CCDC148: variants seen among roughly 807,000 people sequenced by gnomAD.
CCDC148 encodes coiled-coil domain containing 148, also known as coiled-coil domain-containing protein 148.
CCDC148 carries 89 observed loss-of-function variants against 85.7 expected under a neutral mutation model. The ratio of observed to expected loss-of-function variants is 1.04; its 90% confidence interval spans 0.87 to 1.24. The LOEUF (loss-of-function observed/expected upper bound fraction) is 1.24, where lower values mean the gene tolerates loss of function less well. CCDC148 is among the 50% of genes most tolerant of loss of function. The probability of loss-of-function intolerance (pLI) is 0.00; values close to 1 mark genes in which losing one functional copy is unlikely to be tolerated. For missense variants in CCDC148, 692 were observed against 671.7 expected, an observed-to-expected ratio of 1.03 and a Z score of -0.33; for synonymous variants, 230 against 213.9, an observed-to-expected ratio of 1.08 and a Z score of -0.66.
chr2:158,235,478 A>G (rs1688060811), intron 10 of CCDC148, among the ~76,000 whole-genome samples: 1 of 152,200 alleles, frequency 6.6e-6, no homozygotes, highest in Non-Finnish European at 1.5e-5. Context: ...AGGCTCTTGT[A>G]AAATTTCTAC....
chr2:158,357,742 T>A (rs1264059919), intron 2 of CCDC148, among the ~76,000 whole-genome samples: 1 of 152,014 alleles, frequency 6.6e-6, no homozygotes, highest in African/African-American at 2.4e-5. Flanking sequence ...ACAATTGCCT[T>A]CTATAAAAAA....
chr2:158,401,935 G>C (rs1685804019), intron 1 of CCDC148, among the ~76,000 whole-genome samples: 1 of 151,966 alleles, frequency 6.6e-6, no homozygotes, highest in Non-Finnish European at 1.5e-5. Context: ...AGAAGAGAAG[G>C]ATGGCCATGT....
chr2:158,414,060 C>A (rs1010983941), intron 1 of CCDC148, among the ~76,000 whole-genome samples: 1 of 152,172 alleles, frequency 6.6e-6, no homozygotes, highest in Non-Finnish European at 1.5e-5. Flanking sequence ...AGGTCGAGCT[C>A]TCTGGAGGAA....
chr2:158,208,834 TTCTGTTGC>T (rs1311328512), intron 11 of CCDC148, among the ~76,000 whole-genome samples: 40 of 152,248 alleles, frequency 2.6e-4, no homozygotes, highest in Non-Finnish European at 3.4e-4. Context: ...TAGAAAGGAT[TTCTGTTGC>T]TTGTAAGCTA....
intron 10 of CCDC148, among the ~76,000 whole-genome samples, chr2:158,232,274 TACTGTAGAAATAAAA>T (rs1303010058): frequency 2.0e-5 from 3 of 152,154 alleles, no homozygotes; most frequent in African/African-American, 7.2e-5. Flanking sequence ...GTATAATAAA[TACTGTAGAAATAAAA>T]ACTGTAGAAA....
At chr2:158,235,473 C>G (rs1328767840) in intron 10 of CCDC148, among the ~76,000 whole-genome samples, 1 of 152,154 alleles carries the variant, frequency 6.6e-6, no homozygotes, top group African/African-American at 2.4e-5. Context: ...GACTTAGGCT[C>G]TTGTAAAATT....
At chr2:158,217,434 G>A (rs995329133) in intron 11 of CCDC148, among the ~76,000 whole-genome samples, 5 of 141,140 alleles carry the variant, frequency 3.5e-5, no homozygotes, top group African/African-American at 5.2e-5. Flanking sequence ...ATGGCGTCTC[G>A]CTCTGTTGCC....
intron 9 of CCDC148, among the ~76,000 whole-genome samples, chr2:158,284,534 G>A (rs190203248): frequency 3.9e-4 from 60 of 152,242 alleles, no homozygotes; most frequent in Admixed American, 2.4e-3. Context: ...TCAGGGAGGA[G>A]GACAGGGCTT....
intron 1 of CCDC148, among the ~76,000 whole-genome samples, chr2:158,411,285 T>G (rs546950272): frequency 6.6e-6 from 1 of 152,102 alleles, no homozygotes; most frequent in Admixed American, 6.6e-5. Context: ...TGCCCTATTC[T>G]TTCTCTCTCT....
chr2:158,278,713 A>G (rs867714283), intron 9 of CCDC148, among the ~76,000 whole-genome samples: 6 of 152,256 alleles, frequency 3.9e-5, no homozygotes, highest in Non-Finnish European at 8.8e-5. Flanking sequence ...CAGACAAACA[A>G]AAAGACAGCA....
chr2:158,429,235 C>T (rs561410759), intron 1 of CCDC148, among the ~76,000 whole-genome samples: 3 of 151,960 alleles, frequency 2.0e-5, no homozygotes, highest in South Asian at 2.1e-4. Context: ...TGTATACTTA[C>T]GTAACAAACC....
chr2:158,382,270 AT>A (rs1331504987), intron 1 of CCDC148, among the ~76,000 whole-genome samples: 1 of 152,168 alleles, frequency 6.6e-6, no homozygotes, highest in African/African-American at 2.4e-5. Flanking sequence ...AGTAGCTAAA[AT>A]GGACTAACAC....
At chr2:158,394,281 T>C (rs549246003) in intron 1 of CCDC148, among the ~76,000 whole-genome samples, 2 of 152,134 alleles carry the variant, frequency 1.3e-5, no homozygotes, top group Admixed American at 6.6e-5. Flanking sequence ...ATAATTTCCA[T>C]TGACAAATAA....
intron 10 of CCDC148, among the ~76,000 whole-genome samples, chr2:158,240,501 A>T (rs1182821816): frequency 6.9e-6 from 1 of 144,790 alleles, no homozygotes; most frequent in African/African-American, 2.6e-5. Context: ...CCTCTTTAAA[A>T]GAAGTATCAG....
chr2:158,187,018 T>G (rs1685187967), intron 11 of CCDC148, among the ~76,000 whole-genome samples: 1 of 152,012 alleles, frequency 6.6e-6, no homozygotes, highest in African/African-American at 2.4e-5. Flanking sequence ...GATCCTTAAC[T>G]GGACATTCAA....
chr2:158,307,440 C>A (rs896965459), intron 9 of CCDC148, among the ~76,000 whole-genome samples: 2 of 152,190 alleles, frequency 1.3e-5, no homozygotes, highest in African/African-American at 4.8e-5. Flanking sequence ...AGATGTGAAG[C>A]AACTGAATTC....
intron 11 of CCDC148, among the ~76,000 whole-genome samples, chr2:158,217,362 T>TTGTG (rs1165912265): frequency 7.1e-5 from 7 of 99,052 alleles, no homozygotes; most frequent in East Asian, 2.7e-4. Flanking sequence ...ATATAAAATT[T>TTGTG]TGTGTGTGTG....
chr2:158,204,777 C>T (rs937276726), intron 11 of CCDC148, among the ~76,000 whole-genome samples: 1 of 152,156 alleles, frequency 6.6e-6, no homozygotes, highest in African/African-American at 2.4e-5. Flanking sequence ...ACCAAGAAGA[C>T]ATAACTTCAA....
At chr2:158,331,974 T>C (rs1693154333) in intron 7 of CCDC148, among the ~76,000 whole-genome samples, 8 of 152,232 alleles carry the variant, frequency 5.3e-5, no homozygotes, top group Admixed American at 3.3e-4. Flanking sequence ...TGCCAGTCTG[T>C]GTCTTTTAAT....
Sources: gnomAD v4.1 joint callset for allele counts (sites outside exome capture counted in the v4.1 genomes callset) on GRCh38, gnomAD v4.1.1 for gene constraint, MANE v1.5 for transcripts, NCBI Gene and HGNC (gene_info 2026-07-23, HGNC 2026-07-21) for gene names.